SULF2: variants seen among roughly 807,000 people sequenced by gnomAD.
SULF2 encodes extracellular sulfatase Sulf-2.
Under a neutral mutation model 107.7 loss-of-function variants are expected in SULF2, and 52 were observed. The ratio of observed to expected loss-of-function variants is 0.48; its 90% CI spans 0.39 to 0.61. The LOEUF (loss-of-function observed/expected upper bound fraction) is 0.61, where lower values mean the gene tolerates loss of function less well. SULF2 is among the 20% of genes least tolerant of loss of function. SULF2 has a pLI of 0.00. For missense variants in SULF2, 993 were observed against 1,177.3 expected (o/e 0.84, Z 2.29); for synonymous variants, 460 against 464.3 (o/e 0.99, Z 0.12).
chr20:47,676,132 A>T (rs1312690395), intron 10 of SULF2, among the ~76,000 whole-genome samples: 1 of 152,374 alleles, frequency 6.6e-6, no homozygotes, highest in Non-Finnish European at 1.5e-5. Context: ...CTATAAAAGG[A>T]AAACCAGTCA....
chr20:47,764,519 C>G (rs867869866), intron 1 of SULF2, among the ~76,000 whole-genome samples: 1 of 152,208 alleles, frequency 6.6e-6, no homozygotes. Flanking sequence ...AATTCCAGCT[C>G]TAGCTTCAGC....
chr20:47,738,120 A>G (rs551456288), intron 2 of SULF2, among the ~76,000 whole-genome samples: 1 of 152,316 alleles, frequency 6.6e-6, no homozygotes, highest in African/African-American at 2.4e-5. Flanking sequence ...GAAGGAAGGA[A>G]GCAAATGAAC....
At chr20:47,738,946 GAC>G (rs1185746316) in intron 2 of SULF2, among the ~76,000 whole-genome samples, 1 of 152,166 alleles carries the variant, frequency 6.6e-6, no homozygotes. Context: ...GTCCACATAG[GAC>G]ACAAAGTGGA....
At position 47,678,706 on chromosome 20, in the gene SULF2, T is replaced by C; in HGVS notation, c.1163A>G (p.Lys388Arg). 6.2e-7 allele frequency: 1 copy of C among 1,613,964 alleles called. No homozygotes were observed. Reference protein sequence around the residue: ...PADMDGKSILKLLDTERPVNR... With the variant: ...PADMDGKSILRLLDTERPVNR... ...CACCGGCCGCTCCGTGTCCAGCAGCTTGAGGATGGATTTCCCGTCCATATC... is the reference window on the plus strand; with the variant it reads ...CACCGGCCGCTCCGTGTCCAGCAGCCTGAGGATGGATTTCCCGTCCATATC... Residue 388 changes from lysine to arginine, a missense_variant, in exon 8 of 21, where the codon AAG (lysine) becomes AGG (arginine). By Grantham distance (26) the Lys-to-Arg change is conservative. Coordinates refer to ENST00000688720, the MANE Select transcript of SULF2 (RefSeq NM_001387048.1). This position sits in a 1 kb window ranked among gnomAD's most constrained non-coding sequence, Gnocchi z 4.5.
At chr20:47,763,037 T>C (rs925006330) in intron 1 of SULF2, among the ~76,000 whole-genome samples, 1 of 151,462 alleles carries the variant, frequency 6.6e-6, no homozygotes, top group Non-Finnish European at 1.5e-5. Flanking sequence ...TTCTGCCTTG[T>C]TTTTTTTCCT....
At position 47,661,903 on chromosome 20, in the gene SULF2, G is replaced by A; in HGVS notation, c.2371-7C>T. The A allele has an allele frequency of 1.3e-6, 2 of 1,537,218 alleles. No individual in the cohort carries two copies. The highest frequency in any genetic ancestry group is 1.8e-6 in the Non-Finnish European group (2 of 1,130,308). On this transcript the variant is annotated splice_polypyrimidine_tract_variant and splice_region_variant and intron_variant, in intron 17 of 20. Transcript: ENST00000688720. ...TGTTCACTGCATTCATCAGCTGGTT[G>A]CAAAAAAGGTAGTCTGTCAACAAGG...
At chr20:47,683,905 C>T (rs1401883994) in intron 6 of SULF2, among the ~76,000 whole-genome samples, 2 of 152,174 alleles carry the variant, frequency 1.3e-5, no homozygotes, top group Non-Finnish European at 2.9e-5. Flanking sequence ...AAGGCCACAG[C>T]GTGTACGATT....
chr20:47,777,973 CAA>C (rs11322737), intron 1 of SULF2, among the ~76,000 whole-genome samples: 240 of 132,512 alleles, frequency 1.8e-3, no homozygotes, highest in Admixed American at 0.013. Flanking sequence ...TCATCTCTAC[CAA>C]AAAAAAAAAA....
chr20:47,679,407 C>T (rs958477197), intron 7 of SULF2, among the ~76,000 whole-genome samples: 9 of 152,216 alleles, frequency 5.9e-5, no homozygotes, highest in African/African-American at 2.2e-4. Flanking sequence ...GTGGACCAAC[C>T]TGCACCTGCT....
At chr20:47,761,615 C>T (rs13039288) in intron 1 of SULF2, among the ~76,000 whole-genome samples, 13 of 152,106 alleles carry the variant, frequency 8.5e-5, no homozygotes, top group African/African-American at 2.7e-4. Flanking sequence ...CCCTCGCGCT[C>T]GCACTCTCTT....
chr20:47,659,835 A>G (rs889886814), intron 18 of SULF2, 105 bp from the exon 19 acceptor site: 16 of 823,190 alleles, frequency 1.9e-5, no homozygotes, highest in Admixed American at 1.3e-4. Flanking sequence ...CAATCCCATG[A>G]TGCTGATAGT....
intron 1 of SULF2, among the ~76,000 whole-genome samples, chr20:47,775,149 C>T (rs1045055685): frequency 2.0e-5 from 3 of 152,200 alleles, no homozygotes; most frequent in South Asian, 2.1e-4. Flanking sequence ...CTCATGAAAC[C>T]GGGCTGGCTT....
chr20:47,782,270 T>C (rs2090846861), intron 1 of SULF2, among the ~76,000 whole-genome samples: 1 of 152,224 alleles, frequency 6.6e-6, no homozygotes, highest in Admixed American at 6.5e-5. Context: ...TCTTCCCCTT[T>C]AGGCTCCAAG....
chr20:47,671,079 G>A (rs902456512), intron 11 of SULF2, among the ~76,000 whole-genome samples: 2 of 152,156 alleles, frequency 1.3e-5, no homozygotes, highest in African/African-American at 4.8e-5. Context: ...CTGTTTGATG[G>A]TGGGAGCTGA....
rs944444162 is a variant in SULF2, at chr20:47,672,557, A to G, written c.1381-164T>C. ...TCCAATGCCGCTTCTCTCCACTGCC[A>G]CTGCTTGAACCTTGGGCAGAGCTAC... On this transcript the variant is annotated intron_variant, in intron 10 of 20. Transcript: ENST00000688720. The G allele has an allele frequency of 3.7e-5, 36 of 984,360 alleles. No homozygotes were observed. In the African/African-American group the frequency reaches 4.0e-4, roughly 11 times the overall value. The allele number at this position is 984,360 out of a possible 1,614,324, so 61.0% of individuals were successfully genotyped here.
chr20:47,737,755 GTT>G (rs11484375), intron 2 of SULF2, among the ~76,000 whole-genome samples: 100 of 61,822 alleles, frequency 1.6e-3, no homozygotes, highest in Middle Eastern at 0.016. Flanking sequence ...TCTTTTCTTT[GTT>G]TTTTTTTTTT....
At chr20:47,725,805 G>A (rs1420969437) in intron 3 of SULF2, among the ~76,000 whole-genome samples, 1 of 152,208 alleles carries the variant, frequency 6.6e-6, no homozygotes, top group African/African-American at 2.4e-5. Flanking sequence ...TTCACACAGG[G>A]ATGACAGAGG....
At chr20:47,734,467 T>TA (rs1933285826) in intron 3 of SULF2, among the ~76,000 whole-genome samples, 2 of 152,256 alleles carry the variant, frequency 1.3e-5, no homozygotes, top group Non-Finnish European at 2.9e-5. Context: ...TTTTTCTTAG[T>TA]CAACACTGAT....
intron 4 of SULF2, among the ~76,000 whole-genome samples, chr20:47,693,521 A>G (rs2088274055): frequency 6.6e-6 from 1 of 152,282 alleles, no homozygotes; most frequent in Non-Finnish European, 1.5e-5. Flanking sequence ...GGGATTCTAA[A>G]GCAGTGAAAA....
Sources: gnomAD v4.1 joint callset for allele counts (sites outside exome capture counted in the v4.1 genomes callset) on GRCh38, gnomAD v4.1.1 for gene constraint, Gnocchi (gnomAD v3.1) non-coding constraint, MANE v1.5 for transcripts, NCBI Gene and HGNC (gene_info 2026-07-23, HGNC 2026-07-21) for gene names.